Variants in ADGRB3 observed in about 807,000 individuals in gnomAD.
The protein encoded by ADGRB3 is brain-specific angiogenesis inhibitor 3.
In ADGRB3, 37 loss-of-function variants were observed where a neutral mutation model predicts 193.4. That is an observed-to-expected ratio of 0.19 (90% CI 0.15 to 0.25). The LOEUF (loss-of-function observed/expected upper bound fraction) is 0.25. Among genes scored for constraint, ADGRB3 ranks in the 10% least tolerant of loss-of-function variants. The pLI is 1.00. For synonymous variants in ADGRB3, 690 were observed against 644.2 expected (o/e 1.07, Z -1.08); for missense variants, 1,637 against 1,852.9 (o/e 0.88, Z 2.14).
intron 4 of ADGRB3, among the ~76,000 whole-genome samples, chr6:68,935,713 G>T (rs1767469288): frequency 6.6e-6 from 1 of 151,980 alleles, no homozygotes; most frequent in African/African-American, 2.4e-5. Context: ...TTTGACTTTT[G>T]AGTCTCCTTG....
chr6:69,040,354 T>TTTCC lies in ADGRB3; in HGVS notation c.2108-7828_2108-7827insCTTC, dbSNP rs1562133173. ...CTTTCTTTCTTTCTTTCTTTCTTTC[T>TTTCC]TTCTTTCTTTCTTTCTTTCTTTCCT... On this transcript the variant is annotated intron_variant, in intron 13 of 31. Transcript: ENST00000370598. Among the ~76,000 whole-genome samples, 68 of 63,118 alleles carry TTTCC rather than the reference T, an allele frequency of 1.1e-3. 2 individuals are homozygous for TTTCC. The East Asian group carries it at 0.064, about 60-fold the overall frequency. The allele number at this position is 63,118 out of a possible 152,430, so 41.4% of individuals were successfully genotyped here.
chr6:69,083,545 C>G (rs9454687), intron 17 of ADGRB3, among the ~76,000 whole-genome samples: 2 of 151,908 alleles, frequency 1.3e-5, no homozygotes, highest in African/African-American at 4.8e-5. Context: ...GATAGATATA[C>G]AAATTATGTA....
At chr6:69,207,456 G>A (rs1373720908) in intron 17 of ADGRB3, among the ~76,000 whole-genome samples, 4 of 152,140 alleles carry the variant, frequency 2.6e-5, no homozygotes, top group African/African-American at 9.7e-5. Context: ...GGGGCCAAAT[G>A]CAGCAACTTA....
intron 10 of ADGRB3, among the ~76,000 whole-genome samples, chr6:68,980,601 C>T (rs917105039): frequency 2.0e-5 from 3 of 151,476 alleles, no homozygotes; most frequent in Non-Finnish European, 4.4e-5. Flanking sequence ...TCATAGGTCT[C>T]GTTTACAACA....
At position 69,031,216 on chromosome 6, in the gene ADGRB3, G is replaced by A. The variant is rs560350906; in HGVS notation, c.2107+12717G>A. Among the ~76,000 whole-genome samples, 26 of 150,792 alleles carry A rather than the reference G, an allele frequency of 1.7e-4. 2 individuals are homozygous for A. The South Asian group carries it at 5.0e-3, about 29-fold the overall frequency. On this transcript the variant is annotated intron_variant, in intron 13 of 31. Coordinates refer to ENST00000370598, the MANE Select transcript of ADGRB3 (RefSeq NM_001704.3). ...AGCACTTTGGGAGGCCGAGGCGGGCGGATCATGAGGTCAGGAGATCGAGAC... is the reference window on the plus strand; with the variant it reads ...AGCACTTTGGGAGGCCGAGGCGGGCAGATCATGAGGTCAGGAGATCGAGAC...
rs150378902 is a variant in ADGRB3, at chr6:68,646,403, G to A, written c.757+6971G>A. Among the ~76,000 whole-genome samples, 27 of 151,208 alleles carry A rather than the reference G, an allele frequency of 1.8e-4. No homozygotes were observed. The East Asian group carries it at 5.1e-3, about 29-fold the overall frequency. On this transcript the variant is annotated intron_variant, in intron 3 of 31. Transcript: ENST00000370598. Reference sequence around the variant, plus strand: ...GAGGCAGGAGAACAGCTTGAACCCAGGAGGAGGAGGTTGCAGTGAGCAGAG... The same window carrying A: ...GAGGCAGGAGAACAGCTTGAACCCAAGAGGAGGAGGTTGCAGTGAGCAGAG...
chr6:69,018,569 T>A, intron 13 of ADGRB3, 70 bp downstream of exon 13: 2 of 930,318 alleles, frequency 2.1e-6, no homozygotes, highest in Non-Finnish European at 3.4e-6. Context: ...ACACCATACG[T>A]TTCCAAGTAT....
chr6:69,119,396 T>C (rs1215249689), intron 17 of ADGRB3, among the ~76,000 whole-genome samples: 1 of 152,196 alleles, frequency 6.6e-6, no homozygotes, highest in African/African-American at 2.4e-5. Flanking sequence ...TTGGAGTATA[T>C]ATTCTAATAT....
At chr6:69,295,507 T>C (rs1767795097) in intron 20 of ADGRB3, among the ~76,000 whole-genome samples, 1 of 152,066 alleles carries the variant, frequency 6.6e-6, no homozygotes, top group South Asian at 2.1e-4. Context: ...CTGCCCAGGA[T>C]ATTGATGGAA....
At chr6:68,847,223 C>G (rs982315659) in intron 3 of ADGRB3, among the ~76,000 whole-genome samples, 1 of 152,190 alleles carries the variant, frequency 6.6e-6, no homozygotes, top group Admixed American at 6.5e-5. Context: ...TTTGACTTCA[C>G]AGGCTCATAG....
intron 3 of ADGRB3, among the ~76,000 whole-genome samples, chr6:68,651,798 A>G (rs768761012): frequency 6.6e-6 from 1 of 152,080 alleles, no homozygotes; most frequent in African/African-American, 2.4e-5. Context: ...TTCTTCCTAT[A>G]TTGGTAGGAG....
chr6:68,994,108 C>G lies in ADGRB3; in HGVS notation c.1929+146C>G, dbSNP rs1769318458. 13 of 746,102 alleles carry G rather than the reference C, an allele frequency of 1.7e-5. No individual in the cohort carries two copies. The South Asian group carries it at 2.2e-4, about 13-fold the overall frequency. The allele number at this position is 746,102 out of a possible 1,614,324, so 46.2% of individuals were successfully genotyped here. On this transcript the variant is annotated intron_variant, in intron 11 of 31. Coordinates refer to ENST00000370598, the MANE Select transcript of ADGRB3 (RefSeq NM_001704.3). ...TGCTTAGTGTGAGCTCTGGAAATGA[C>G]CTCAGTTCCCTTAGTCATTCTCCAC...
intron 17 of ADGRB3, among the ~76,000 whole-genome samples, chr6:69,174,395 C>T (rs1216664707): frequency 6.6e-6 from 1 of 152,138 alleles, no homozygotes; most frequent in Non-Finnish European, 1.5e-5. Flanking sequence ...GGATAATGGC[C>T]TTCAGCTACA....
intron 3 of ADGRB3, among the ~76,000 whole-genome samples, chr6:68,793,877 T>A (rs1767155677): frequency 6.6e-6 from 1 of 152,178 alleles, no homozygotes; most frequent in African/African-American, 2.4e-5. Flanking sequence ...ATTTACAGAT[T>A]ATATAAGTTA....
intron 30 of ADGRB3, among the ~76,000 whole-genome samples, chr6:69,379,161 C>T (rs1295039732): frequency 6.6e-6 from 1 of 151,910 alleles, no homozygotes; most frequent in Non-Finnish European, 1.5e-5. Flanking sequence ...ATTTGACAGC[C>T]ACCTGAATTC....
chr6:68,851,257 C>A (rs1448130183), intron 3 of ADGRB3, among the ~76,000 whole-genome samples: 3 of 150,506 alleles, frequency 2.0e-5, no homozygotes, highest in Non-Finnish European at 1.5e-5. Flanking sequence ...CTCTCTCTTT[C>A]TCTCTGTTTC....
intron 20 of ADGRB3, among the ~76,000 whole-genome samples, chr6:69,315,436 T>C (rs575901602): frequency 3.3e-5 from 5 of 151,554 alleles, no homozygotes; most frequent in Non-Finnish European, 7.4e-5. Context: ...AAATAAAAAC[T>C]ATCATTTATC....
At chr6:69,277,089 G>A (rs537228101) in intron 20 of ADGRB3, among the ~76,000 whole-genome samples, 2 of 150,796 alleles carry the variant, frequency 1.3e-5, no homozygotes, top group Non-Finnish European at 3.0e-5. Flanking sequence ...TCTGCCTCCC[G>A]GGTTCAAGCG....
At chr6:69,016,107 T>A (rs931404183) in intron 12 of ADGRB3, among the ~76,000 whole-genome samples, 15 of 151,944 alleles carry the variant, frequency 9.9e-5, no homozygotes, top group Non-Finnish European at 1.8e-4. Context: ...CTATATACGG[T>A]CGTTTTGGTG....
Sources: gnomAD v4.1 joint callset for allele counts (sites outside exome capture counted in the v4.1 genomes callset) on GRCh38, gnomAD v4.1.1 for gene constraint, MANE v1.5 for transcripts, NCBI Gene and HGNC (gene_info 2026-07-23, HGNC 2026-07-21) for gene names.